Variants in WDR25 observed in about 807,000 individuals in gnomAD.
The protein encoded by WDR25 is WD repeat domain 25.
Under a neutral mutation model 47.7 loss-of-function variants are expected in WDR25, and 35 were observed. The observed-to-expected ratio is 0.73, with a 90% CI of 0.56 to 0.97. The LOEUF is 0.97. Ranked by LOEUF, WDR25 falls within the 50% of genes least tolerant of loss-of-function variation. The pLI is 0.00. For synonymous variants in WDR25, 248 were observed against 278.9 expected (o/e 0.89, Z 1.10); for missense variants, 634 against 704.7 (o/e 0.90, Z 1.14).
chr14:100,444,862 T>C (rs1898783226), intron 2 of WDR25, among the ~76,000 whole-genome samples: 1 of 152,232 alleles, frequency 6.6e-6, no homozygotes, highest in Non-Finnish European at 1.5e-5. Context: ...GATAGTGCCT[T>C]CTGTGGCACC....
At position 100,482,610 on chromosome 14, in the gene WDR25, GGACTGTCATGAGTACTCATGT is replaced by G. The variant is rs533050072; in HGVS notation, c.971-1367_971-1347del. Reference sequence around the variant, plus strand: ...TTGGGTCTGTGAAAGCCTTCTGCTGGGACTGTCATGAGTACTCATGTGACTGTCATGAGTACTTTCATTTCC... The same window carrying G: ...TTGGGTCTGTGAAAGCCTTCTGCTGGGACTGTCATGAGTACTTTCATTTCC... On this transcript the variant is annotated intron_variant, in intron 3 of 6. Transcript: ENST00000402312. Among the ~76,000 whole-genome samples, 250 of 152,116 alleles carry G rather than the reference GGACTGTCATGAGTACTCATGT, an allele frequency of 1.6e-3. 1 individual carries two copies. Among genetic ancestry groups the G allele is most frequent in the East Asian group, 7.5e-3 (39 of 5,174 alleles).
At chr14:100,431,634 A>G (rs1213203960) in intron 2 of WDR25, among the ~76,000 whole-genome samples, 1 of 143,690 alleles carries the variant, frequency 7.0e-6, no homozygotes, top group Non-Finnish European at 1.5e-5. Flanking sequence ...GCAACCTCCG[A>G]CTCTGGGGTT....
intron 2 of WDR25, among the ~76,000 whole-genome samples, chr14:100,395,774 G>T (rs1245933474): frequency 6.6e-6 from 1 of 152,084 alleles, no homozygotes; most frequent in African/African-American, 2.4e-5. Context: ...CTCTTTGTGG[G>T]CCTACTTGAA....
intron 4 of WDR25, among the ~76,000 whole-genome samples, chr14:100,497,986 C>G (rs183392396): frequency 6.6e-6 from 1 of 152,344 alleles, no homozygotes; most frequent in East Asian, 1.9e-4. Context: ...GTCAGCAGTT[C>G]ATTCACTGTT....
At position 100,392,409 on chromosome 14, in the gene WDR25, T is replaced by A. The variant is rs1355455260; in HGVS notation, c.822+10663T>A. Among the ~76,000 whole-genome samples the A allele has an allele frequency of 6.6e-6, 1 of 151,858 alleles. No individual in the cohort carries two copies. Among genetic ancestry groups the A allele is most frequent in the Admixed American group, 6.6e-5 (1 of 15,232 alleles). On this transcript the variant is annotated intron_variant, in intron 2 of 6. Transcript: ENST00000402312. This position sits in a 1 kb window ranked among gnomAD's most constrained non-coding sequence, Gnocchi z 4.2. ...TCCAAACTGTGTGATGAAAACGTGA[T>A]CCCAGGGGTCCAAGCCTCTGTCACC...
intron 2 of WDR25, among the ~76,000 whole-genome samples, chr14:100,465,373 C>A (rs780399348): frequency 6.6e-6 from 1 of 152,200 alleles, no homozygotes; most frequent in African/African-American, 2.4e-5. Context: ...CCCCCTCCCC[C>A]AGCCCTGGCC....
intron 4 of WDR25, 151 bp downstream of exon 4, chr14:100,484,275 A>G: frequency 1.1e-6 from 1 of 912,008 alleles, no homozygotes; most frequent in South Asian, 3.3e-5. Flanking sequence ...TAATTTTTAG[A>G]TGTTTTGAAA....
intron 2 of WDR25, among the ~76,000 whole-genome samples, chr14:100,452,468 G>A (rs1899067633): frequency 6.6e-6 from 1 of 152,248 alleles, no homozygotes; most frequent in African/African-American, 2.4e-5. Context: ...GATGAGAGCA[G>A]TGTTTAGATC....
chr14:100,473,048 C>A (rs1324916005), intron 3 of WDR25, among the ~76,000 whole-genome samples: 2 of 152,228 alleles, frequency 1.3e-5, no homozygotes, highest in Non-Finnish European at 2.9e-5. Flanking sequence ...CCTTGCTTTC[C>A]AAGAGGTGTC....
intron 3 of WDR25, among the ~76,000 whole-genome samples, chr14:100,475,378 C>T (rs779278527): frequency 1.1e-4 from 16 of 152,136 alleles, no homozygotes; most frequent in Non-Finnish European, 2.9e-5. Flanking sequence ...GAAGCCACCT[C>T]GGTGTCCATC....
intron 2 of WDR25, among the ~76,000 whole-genome samples, chr14:100,447,566 G>A (rs1898879649): frequency 6.6e-6 from 1 of 152,120 alleles, no homozygotes; most frequent in Admixed American, 6.5e-5. Context: ...CTGGGGCAAG[G>A]GGCTCAGCCA....
chr14:100,522,265 G>A (rs1286972669), intron 4 of WDR25, among the ~76,000 whole-genome samples: 1 of 151,972 alleles, frequency 6.6e-6, no homozygotes, highest in African/African-American at 2.4e-5. Context: ...ATATAGTCCA[G>A]TTTATTCAAC....
rs373308265 is a variant in WDR25, at chr14:100,479,970, C to T, written c.971-4024C>T. ...GTGGGACAGTTTCATCCCGAAAGCA[C>T]CCCCATCGCAACCCCTGGTTCATGG... On this transcript the variant is annotated intron_variant, in intron 3 of 6. Coordinates refer to ENST00000402312, the MANE Select transcript of WDR25 (RefSeq NM_001161476.3). Among the ~76,000 whole-genome samples the T allele has an allele frequency of 1.4e-4, 21 of 152,300 alleles. 1 individual carries two copies. The highest frequency in any genetic ancestry group is 4.8e-4 in the African/African-American group (20 of 41,554).
chr14:100,380,779 C>T (rs567606034), intron 1 of WDR25, 131 bp from the exon 2 acceptor site: 49 of 856,562 alleles, frequency 5.7e-5, no homozygotes, highest in South Asian at 5.3e-4. Flanking sequence ...CAGGCGTGAG[C>T]CACCACGCCT....
chr14:100,453,805 G>A (rs541142054), intron 2 of WDR25, among the ~76,000 whole-genome samples: 4 of 152,274 alleles, frequency 2.6e-5, no homozygotes, highest in East Asian at 3.9e-4. Flanking sequence ...GATATGTCTC[G>A]CTCTTAATCC....
intron 2 of WDR25, among the ~76,000 whole-genome samples, chr14:100,398,540 G>A (rs1897309236): frequency 6.6e-6 from 1 of 151,928 alleles, no homozygotes; most frequent in Non-Finnish European, 1.5e-5. Context: ...AATACAGAGA[G>A]TTCCTATGTA....
At chr14:100,475,092 T>C (rs556861726) in intron 3 of WDR25, among the ~76,000 whole-genome samples, 2 of 152,302 alleles carry the variant, frequency 1.3e-5, no homozygotes, top group South Asian at 2.1e-4. Flanking sequence ...CAATGAGATA[T>C]CACCTCAAAC....
chr14:100,487,771 C>G (rs1236467364), intron 4 of WDR25: 3 of 152,196 alleles, frequency 2.0e-5, no homozygotes, highest in Non-Finnish European at 4.4e-5. Context: ...ATTACACATT[C>G]CACTGTAAGA....
chr14:100,514,157 C>T (rs996209411), intron 4 of WDR25, among the ~76,000 whole-genome samples: 3 of 150,024 alleles, frequency 2.0e-5, no homozygotes, highest in Admixed American at 6.6e-5. Context: ...AGGATGGTCT[C>T]GATCTCCTGA....
Sources: allele counts gnomAD v4.1 joint callset (sites outside exome capture counted in the v4.1 genomes callset), GRCh38; gene constraint gnomAD v4.1.1; non-coding constraint Gnocchi (gnomAD v3.1); transcripts MANE v1.5; gene names NCBI Gene and HGNC (gene_info 2026-07-23, HGNC 2026-07-21).